BMPR2: variants seen among roughly 807,000 people sequenced by gnomAD.
The protein encoded by BMPR2 is bone morphogenetic protein receptor type 2.
BMPR2 carries 29 observed loss-of-function variants against 100.8 expected under a neutral mutation model. The observed-to-expected ratio is 0.29, with a 90% CI of 0.21 to 0.39. The LOEUF is 0.39. Ranked by LOEUF, BMPR2 falls within the 10% of genes least tolerant of loss-of-function variation. The pLI, the probability that BMPR2 is intolerant of heterozygous loss-of-function variation, is 1.00. For missense variants in BMPR2, 1,011 were observed against 1,274.5 expected, an observed-to-expected ratio of 0.79 and a Z score of 3.15; for synonymous variants, 382 against 442.3, an observed-to-expected ratio of 0.86 and a Z score of 1.71.
intron 1 of BMPR2, among the ~76,000 whole-genome samples, chr2:202,384,596 C>CT (rs796401849): frequency 1.5e-3 from 19 of 12,958 alleles, no homozygotes; most frequent in East Asian, 0.011. Context: ...TCTTTTCTTT[C>CT]TTTCTTTCTT....
intron 7 of BMPR2, among the ~76,000 whole-genome samples, chr2:202,522,705 C>A (rs2106010802): frequency 6.6e-6 from 1 of 151,668 alleles, no homozygotes; most frequent in East Asian, 2.0e-4. Flanking sequence ...GTGGCACACA[C>A]CTGTGGTCCC....
intron 3 of BMPR2, among the ~76,000 whole-genome samples, chr2:202,485,932 G>A (rs1692768686): frequency 1.3e-5 from 2 of 152,016 alleles, no homozygotes. Context: ...ATTGCTAAGT[G>A]AGGGCTTAGT....
In BMPR2 at chr2:202,547,567, G is replaced by T. The variant is rs1444066738; in HGVS notation, c.1413+5120G>T. On this transcript the variant is annotated intron_variant, in intron 10 of 12. Coordinates refer to ENST00000374580, the MANE Select transcript of BMPR2 (RefSeq NM_001204.7). ...GGAGGCTGGGGCATGTGGATTACTT[G>T]ACGTCAGGAGTTCGAGACCAGCCTG... Among the ~76,000 whole-genome samples the T allele has an allele frequency of 2.6e-5, 4 of 152,056 alleles. No individual in the cohort carries two copies. The South Asian group carries it at 8.3e-4, about 32-fold the overall frequency.
intron 3 of BMPR2, among the ~76,000 whole-genome samples, chr2:202,479,982 A>G (rs1179044247): frequency 6.6e-6 from 1 of 151,986 alleles, no homozygotes; most frequent in African/African-American, 2.4e-5. Flanking sequence ...GAGTTGTAAA[A>G]GTTCTTTTTA....
In BMPR2 at chr2:202,479,719, A is replaced by G. The variant is rs532684170; in HGVS notation, c.418+12030A>G. ...TTTTATTCTTTCCTCCCAACTTTCA[A>G]TTATTTTCTTTTCATTTCCAATTTT... On this transcript the variant is annotated intron_variant, in intron 3 of 12. Transcript: ENST00000374580. 8.5e-5 allele frequency among the ~76,000 whole-genome samples: 13 copies of G among 152,152 alleles called. 1 individual carries two copies. Among genetic ancestry groups the G allele is most frequent in the African/African-American group, 3.1e-4 (13 of 41,450 alleles).
rs549513283 is a variant in BMPR2, at chr2:202,440,000, G to A, written c.77-24809G>A. Among the ~76,000 whole-genome samples, 71 of 150,324 alleles carry A rather than the reference G, an allele frequency of 4.7e-4. 3 individuals are homozygous for A. The highest frequency in any genetic ancestry group is 1.7e-3 in the African/African-American group (68 of 39,746). ...GCCCTTAATCCATTTAACCCTGAGT[G>A]GACACAGCACATGTTTCAGAGAGCA... On this transcript the variant is annotated intron_variant, in intron 1 of 12. Coordinates refer to ENST00000374580, the MANE Select transcript of BMPR2 (RefSeq NM_001204.7).
intron 7 of BMPR2, among the ~76,000 whole-genome samples, chr2:202,525,345 C>T (rs1269943057): frequency 2.0e-5 from 3 of 151,734 alleles, no homozygotes; most frequent in African/African-American, 7.3e-5. Flanking sequence ...CCAAGCATTA[C>T]AGGCATGCAC....
At chr2:202,523,462 G>T (rs1025690157) in intron 7 of BMPR2, among the ~76,000 whole-genome samples, 3 of 152,324 alleles carry the variant, frequency 2.0e-5, no homozygotes, top group South Asian at 4.1e-4. Context: ...CAATAGCAAA[G>T]ATACGGAATC....
In BMPR2 at chr2:202,437,119, C is replaced by T. The variant is rs1263284548; in HGVS notation, c.77-27690C>T. Among the ~76,000 whole-genome samples the T allele has an allele frequency of 4.7e-5, 7 of 150,390 alleles. 1 individual carries two copies. Among genetic ancestry groups the T allele is most frequent in the East Asian group, 1.9e-4 (1 of 5,198 alleles). On this transcript the variant is annotated intron_variant, in intron 1 of 12. Transcript: ENST00000374580. ...CTCCCAGGTTCAAGCGATTCTTCTG[C>T]CTCAGCCTCCAGAGTAGCTGGGATT... is the stretch of plus-strand genomic sequence containing the variant.
chr2:202,413,050 T>C (rs998860231), intron 1 of BMPR2, among the ~76,000 whole-genome samples: 12 of 152,316 alleles, frequency 7.9e-5, no homozygotes, highest in African/African-American at 2.4e-4. Flanking sequence ...TGTAGTCATA[T>C]AAGGATATCT....
chr2:202,494,423 G>A (rs913026807), intron 3 of BMPR2, among the ~76,000 whole-genome samples: 2 of 152,216 alleles, frequency 1.3e-5, no homozygotes, highest in African/African-American at 2.4e-5. Context: ...AAAGCTGAGT[G>A]TAGCAAGGAA....
chr2:202,472,666 GAA>G (rs1387484346), intron 3 of BMPR2, among the ~76,000 whole-genome samples: 1 of 152,076 alleles, frequency 6.6e-6, no homozygotes, highest in Non-Finnish European at 1.5e-5. Context: ...AAAAGAAAAA[GAA>G]AGAGAGAAAG....
intron 3 of BMPR2, among the ~76,000 whole-genome samples, chr2:202,491,517 G>A (rs915324534): frequency 6.6e-6 from 1 of 151,600 alleles, no homozygotes; most frequent in Non-Finnish European, 1.5e-5. Flanking sequence ...TCCGCCTCCC[G>A]GGTTCAAGCA....
chr2:202,556,634 C>T (rs1688577972), intron 12 of BMPR2, 103 bp downstream of exon 12: 1 of 1,353,910 alleles, frequency 7.4e-7, no homozygotes, highest in East Asian at 2.5e-5. Flanking sequence ...TGATTATTTA[C>T]CTTTACCACT....
intron 3 of BMPR2, among the ~76,000 whole-genome samples, chr2:202,512,964 T>A (rs894729861): frequency 1.0e-4 from 14 of 140,356 alleles, no homozygotes; most frequent in Non-Finnish European, 1.4e-4. Flanking sequence ...AAAACTTTAA[T>A]TTTTTTTTTT....
At chr2:202,499,101 T>G (rs62194097) in intron 3 of BMPR2, among the ~76,000 whole-genome samples, 1 of 152,162 alleles carries the variant, frequency 6.6e-6, no homozygotes, top group Non-Finnish European at 1.5e-5. Context: ...CTTCAAGCTG[T>G]AGGGGGAGGG....
chr2:202,383,126 T>C (rs1363010615), intron 1 of BMPR2, among the ~76,000 whole-genome samples: 1 of 152,246 alleles, frequency 6.6e-6, no homozygotes, highest in Non-Finnish European at 1.5e-5. Flanking sequence ...CCAAAATCTT[T>C]TCCTTTTAAA....
chr2:202,377,037 T>A lies in BMPR2; in HGVS notation c.-438T>A. On this transcript the variant is annotated 5_prime_UTR_variant, in exon 1 of 13. Transcript: ENST00000374580. Reference sequence around the variant, plus strand: ...GCCGCCGCCCGTCCGGCTTCGTCCTTCCCGGCAGTCGGGAACTAGTTCTGA... The same window carrying A: ...GCCGCCGCCCGTCCGGCTTCGTCCTACCCGGCAGTCGGGAACTAGTTCTGA... 1 of 465,826 alleles carries A rather than the reference T, an allele frequency of 2.1e-6. No homozygotes were observed. The highest frequency in any genetic ancestry group is 3.8e-6 in the Non-Finnish European group (1 of 266,314). The allele number at this position is 465,826 out of a possible 1,614,324, so 28.9% of individuals were successfully genotyped here. A position where few individuals can be genotyped will look rare whatever the true frequency, so the allele number is the denominator to read the frequency against.
At chr2:202,558,151 T>G (rs1019024868) in intron 12 of BMPR2, among the ~76,000 whole-genome samples, 1 of 152,108 alleles carries the variant, frequency 6.6e-6, no homozygotes, top group African/African-American at 2.4e-5. Flanking sequence ...AAACTCCATC[T>G]CTACAAAAAA....
Sources: gnomAD v4.1 joint callset for allele counts (sites outside exome capture counted in the v4.1 genomes callset) on GRCh38, gnomAD v4.1.1 for gene constraint, MANE v1.5 for transcripts, NCBI Gene and HGNC (gene_info 2026-07-23, HGNC 2026-07-21) for gene names.